Variants in ARHGAP26 observed in about 807,000 individuals in gnomAD.
ARHGAP26 encodes the protein rho GTPase-activating protein 26.
A neutral mutation model predicts 104.8 loss-of-function variants in ARHGAP26; 38 were observed. That is an observed-to-expected ratio of 0.36 (90% CI 0.28 to 0.48). The LOEUF (loss-of-function observed/expected upper bound fraction) is 0.48. Among genes scored for constraint, ARHGAP26 ranks in the 20% least tolerant of loss-of-function variants. The probability of loss-of-function intolerance (pLI) is 0.99; values close to 1 mark genes in which losing one functional copy is unlikely to be tolerated. For synonymous variants in ARHGAP26, 341 were observed against 340.0 expected (o/e 1.00, Z -0.03); for missense variants, 704 against 947.9 (o/e 0.74, Z 3.38).
At chr5:143,116,829 C>T (rs1025282041) in intron 17 of ARHGAP26, among the ~76,000 whole-genome samples, 13 of 152,270 alleles carry the variant, frequency 8.5e-5, no homozygotes, top group East Asian at 5.8e-4. Context: ...CCAGTTCATG[C>T]GGGAACTGCC....
At chr5:142,896,937 C>T (rs1441163851) in intron 6 of ARHGAP26, among the ~76,000 whole-genome samples, 1 of 152,128 alleles carries the variant, frequency 6.6e-6, no homozygotes, top group Non-Finnish European at 1.5e-5. Flanking sequence ...AAAAACTTAG[C>T]AATTATTATT....
chr5:143,218,638 C>T (rs1449785358), intron 22 of ARHGAP26, among the ~76,000 whole-genome samples: 2 of 152,196 alleles, frequency 1.3e-5, no homozygotes, highest in Non-Finnish European at 2.9e-5. Context: ...GCAGGAAGCT[C>T]ACCCATGTCC....
rs3822387 is a variant in ARHGAP26, at chr5:143,108,740, A to T, written c.1539-12248A>T. Reference sequence around the variant, plus strand: ...CCTAGGGTGGGTATTTCATGAGTGTATGCTTCTTTATCAGTCTGTCCATCT... The same window carrying T: ...CCTAGGGTGGGTATTTCATGAGTGTTTGCTTCTTTATCAGTCTGTCCATCT... On this transcript the variant is annotated intron_variant, in intron 17 of 22. Coordinates refer to ENST00000645722, the MANE Select transcript of ARHGAP26 (RefSeq NM_001135608.3). Among the ~76,000 whole-genome samples, 5 of 152,154 alleles carry T rather than the reference A, an allele frequency of 3.3e-5. No individual in the cohort carries two copies. The South Asian group carries it at 1.0e-3, about 31-fold the overall frequency.
At chr5:143,114,829 C>T (rs1338578408) in intron 17 of ARHGAP26, among the ~76,000 whole-genome samples, 2 of 152,116 alleles carry the variant, frequency 1.3e-5, no homozygotes, top group Non-Finnish European at 2.9e-5. Flanking sequence ...GAGGAAAAAG[C>T]TTGGTATGGC....
intron 11 of ARHGAP26, among the ~76,000 whole-genome samples, chr5:142,995,613 A>G (rs1473915026): frequency 1.3e-5 from 2 of 152,244 alleles, no homozygotes; most frequent in East Asian, 3.8e-4. Context: ...GTGATTCTTC[A>G]AGGATCTAGA....
chr5:142,955,119 C>A (rs1769020642), intron 11 of ARHGAP26, among the ~76,000 whole-genome samples: 1 of 151,418 alleles, frequency 6.6e-6, no homozygotes, highest in Non-Finnish European at 1.5e-5. Context: ...CACACACACA[C>A]ACACACCCCC....
At chr5:143,132,124 A>G (rs1002975243) in intron 18 of ARHGAP26, among the ~76,000 whole-genome samples, 1 of 151,988 alleles carries the variant, frequency 6.6e-6, no homozygotes, top group Non-Finnish European at 1.5e-5. Flanking sequence ...TCAGTCCTCT[A>G]GGGAAGATAT....
chr5:143,213,692 C>A (rs1809869690), intron 21 of ARHGAP26, among the ~76,000 whole-genome samples: 1 of 152,204 alleles, frequency 6.6e-6, no homozygotes. Flanking sequence ...AAAAATGGGG[C>A]CCAGCCTGCC....
At chr5:143,121,246 C>T (rs563973488) in intron 18 of ARHGAP26, 99 bp downstream of exon 18, 13 of 1,199,774 alleles carry the variant, frequency 1.1e-5, no homozygotes, top group Non-Finnish European at 1.5e-5. Context: ...TTGCTAATCA[C>T]TCTTACACTG....
rs1241385712 is a variant in ARHGAP26, at chr5:143,041,739, A to G, written c.1211-77A>G. 3 of 1,115,924 alleles carry G rather than the reference A, an allele frequency of 2.7e-6. No individual in the cohort carries two copies. In the Admixed American group the frequency reaches 7.7e-5, roughly 29 times the overall value. 69.1% of individuals were successfully genotyped at this position (1,115,924 alleles called of 1,614,324 possible). On this transcript the variant is annotated intron_variant, in intron 13 of 22. Transcript: ENST00000645722. ...GAGAAAATGAAAAAAAAAAAAAAAAAAAGTGCATTTGGCTGGATTGGCCTG... is the reference window on the plus strand; with the variant it reads ...GAGAAAATGAAAAAAAAAAAAAAAAGAAGTGCATTTGGCTGGATTGGCCTG...
intron 11 of ARHGAP26, among the ~76,000 whole-genome samples, chr5:142,996,518 GT>G (rs1370274622): frequency 7.2e-5 from 11 of 152,116 alleles, no homozygotes; most frequent in Middle Eastern, 3.4e-3. Flanking sequence ...AAGAAAATAG[GT>G]TTTTGTGTGC....
At chr5:143,158,022 T>G (rs1599284485) in intron 20 of ARHGAP26, among the ~76,000 whole-genome samples, 1 of 152,188 alleles carries the variant, frequency 6.6e-6, no homozygotes, top group South Asian at 2.1e-4. Context: ...TTCCTAACAC[T>G]TAGTAAATGG....
At chr5:143,147,491 T>C (rs1253356586) in intron 20 of ARHGAP26, 110 bp downstream of exon 20, 1 of 1,294,880 alleles carries the variant, frequency 7.7e-7, no homozygotes. Flanking sequence ...CTGAACATTA[T>C]TTAAACCTCC....
chr5:142,856,545 C>G, intron 1 of ARHGAP26, among the ~76,000 whole-genome samples: 1 of 152,190 alleles, frequency 6.6e-6, no homozygotes, highest in East Asian at 1.9e-4. Flanking sequence ...GTATTAGCCT[C>G]TTTAGGCTGA....
chr5:143,052,393 C>T (rs528723160), intron 14 of ARHGAP26, among the ~76,000 whole-genome samples: 2 of 152,090 alleles, frequency 1.3e-5, no homozygotes, highest in South Asian at 2.1e-4. Flanking sequence ...TCGCTTGAAC[C>T]CAGGAGGTGG....
At chr5:143,083,426 G>C (rs976316813) in intron 17 of ARHGAP26, among the ~76,000 whole-genome samples, 8 of 152,158 alleles carry the variant, frequency 5.3e-5, no homozygotes, top group African/African-American at 1.7e-4. Flanking sequence ...CATCCATTCT[G>C]TTGACCACAT....
At chr5:142,965,277 C>G (rs1227229474) in intron 11 of ARHGAP26, among the ~76,000 whole-genome samples, 1 of 152,224 alleles carries the variant, frequency 6.6e-6, no homozygotes, top group Admixed American at 6.5e-5. Flanking sequence ...GCAAGCCTGA[C>G]TGATGTCAGG....
chr5:143,172,737 C>T (rs899156608), intron 20 of ARHGAP26, among the ~76,000 whole-genome samples: 1 of 152,152 alleles, frequency 6.6e-6, no homozygotes, highest in African/African-American at 2.4e-5. Flanking sequence ...TGCTGGTGAT[C>T]GGCCTGGTAA....
intron 17 of ARHGAP26, among the ~76,000 whole-genome samples, chr5:143,086,437 G>C (rs1790601721): frequency 6.7e-6 from 1 of 149,764 alleles, no homozygotes; most frequent in Non-Finnish European, 1.5e-5. Flanking sequence ...GCTTCAACGA[G>C]CCATAAATTG....
Sources: gnomAD v4.1 joint callset for allele counts (sites outside exome capture counted in the v4.1 genomes callset) on GRCh38, gnomAD v4.1.1 for gene constraint, MANE v1.5 for transcripts, NCBI Gene and HGNC (gene_info 2026-07-23, HGNC 2026-07-21) for gene names.